RNF115: variants seen among roughly 807,000 people sequenced by gnomAD.
The protein encoded by RNF115 is ring finger protein 115.
In RNF115, 31 loss-of-function variants were observed where a neutral mutation model predicts 39.2. The ratio of observed to expected loss-of-function variants is 0.79; its 90% CI spans 0.59 to 1.07. RNF115 has a LOEUF of 1.07. Ranked by LOEUF, RNF115 falls within the 50% of genes least tolerant of loss-of-function variation. The pLI, the probability that RNF115 is intolerant of heterozygous loss-of-function variation, is 0.00. For synonymous variants in RNF115, 124 were observed against 131.0 expected, an observed-to-expected ratio of 0.95 and a Z score of 0.37; for missense variants, 384 against 381.7, an observed-to-expected ratio of 1.01 and a Z score of -0.05.
chr1:145,819,526 C>T (rs1233857995), intron 1 of RNF115, among the ~76,000 whole-genome samples: 2 of 152,094 alleles, frequency 1.3e-5, no homozygotes, highest in African/African-American at 4.8e-5. Context: ...CCAAACCCCA[C>T]CAGACACGAA....
At chr1:145,760,911 AAT>A (rs1464329787) in intron 4 of RNF115, among the ~76,000 whole-genome samples, 2 of 152,204 alleles carry the variant, frequency 1.3e-5, no homozygotes, top group Admixed American at 1.3e-4. Context: ...CCAAAATGCT[AAT>A]AGTGATATGG....
intron 1 of RNF115, among the ~76,000 whole-genome samples, chr1:145,812,807 G>C (rs1649796383): frequency 1.3e-5 from 2 of 151,064 alleles, no homozygotes; most frequent in African/African-American, 4.9e-5. Context: ...TTTTTTAAGA[G>C]ATGGGGTTTC....
intron 4 of RNF115, among the ~76,000 whole-genome samples, chr1:145,759,442 C>G (rs1553713595): frequency 6.6e-6 from 1 of 152,134 alleles, no homozygotes. Flanking sequence ...TTCTTGTTTT[C>G]AGGCCAAAAA....
chr1:145,822,399 AG>A (rs1457726600), intron 1 of RNF115, among the ~76,000 whole-genome samples: 1 of 150,222 alleles, frequency 6.7e-6, no homozygotes, highest in African/African-American at 2.4e-5. Flanking sequence ...GCAAGTAGAG[AG>A]GAAAGAATGT....
Position 145,771,840 on chromosome 1 carries a change from T to C in RNF115, c.299A>G (p.Asn100Ser). The change falls in exon 4 of 9, where the codon AAT becomes AGT. Residue 100 changes from asparagine (N) to serine (S), a missense_variant. Asn to Ser is a conservative substitution (Grantham distance 46). Coordinates refer to ENST00000582693, the MANE Select transcript of RNF115 (RefSeq NM_014455.4). ...FLSSSPLDQD[N>S]RANERGHQTH... ...CTGGTGACCCCTTTCATTGGCTCTA[T>C]TATCTTGGTCCAGTGGACTGCTACT... The C allele has an allele frequency of 6.2e-7, 1 of 1,614,114 alleles. No homozygotes were observed. Among genetic ancestry groups the C allele is most frequent in the Non-Finnish European group, 8.5e-7 (1 of 1,179,974 alleles).
At position 145,742,373 on chromosome 1, in the gene RNF115, A is replaced by G. The variant is rs1175832853; in HGVS notation, c.*4493T>C. On this transcript the variant is annotated 3_prime_UTR_variant, in exon 9 of 9. Coordinates refer to ENST00000582693, the MANE Select transcript of RNF115 (RefSeq NM_014455.4). ...TAACCGTATTGTAGTTCAACTGATTATAATATAGAAGCAACGGATAATGAA... is the reference window on the plus strand; with the variant it reads ...TAACCGTATTGTAGTTCAACTGATTGTAATATAGAAGCAACGGATAATGAA... The G allele has an allele frequency of 1.3e-5, 2 of 152,174 alleles. No homozygotes were observed. Among genetic ancestry groups the G allele is most frequent in the Admixed American group, 6.5e-5 (1 of 15,282 alleles). 9.4% of individuals were successfully genotyped at this position (152,174 alleles called of 1,614,324 possible). A position where few individuals can be genotyped will look rare whatever the true frequency, so the allele number is the denominator to read the frequency against.
At position 145,793,834 on chromosome 1, in the gene RNF115, C is replaced by A. The variant is rs1028552083; in HGVS notation, c.103-4868G>T. On this transcript the variant is annotated intron_variant, in intron 1 of 8. Transcript: ENST00000582693. ...CTGGTTCTGAGCACTAAATATCTTA[C>A]CCTCTTTCTTTTTTTTTTTTTTTTT... Among the ~76,000 whole-genome samples, 8 of 151,648 alleles carry A rather than the reference C, an allele frequency of 5.3e-5. 1 individual carries two copies.
rs1431872569 is a variant in RNF115 at position 145,741,317 on chromosome 1, T to C, written c.*5549A>G. 6.6e-6 allele frequency: 1 copy of C among 152,126 alleles called. No individual in the cohort carries two copies. The highest frequency in any genetic ancestry group is 2.4e-5 in the African/African-American group (1 of 41,414). The allele number at this position is 152,126 out of a possible 1,614,324, so 9.4% of individuals were successfully genotyped here. ...GTAGTGTGGCAGGAAAACATAAAGT[T>C]TGCATGTATAAAACCTTAAAAGTTG... On this transcript the variant is annotated 3_prime_UTR_variant, in exon 9 of 9. Transcript: ENST00000582693.
At chr1:145,782,900 C>CACCCA (rs1553717639) in intron 3 of RNF115, among the ~76,000 whole-genome samples, 1 of 152,196 alleles carries the variant, frequency 6.6e-6, no homozygotes, top group African/African-American at 2.4e-5. Context: ...CTCGCTCTGT[C>CACCCA]ACCCAGGCTG....
intron 4 of RNF115, among the ~76,000 whole-genome samples, chr1:145,770,612 T>A (rs1233749599): frequency 2.6e-5 from 4 of 151,954 alleles, no homozygotes; most frequent in African/African-American, 9.7e-5. Flanking sequence ...TAGATTCATA[T>A]AGCCCTAGAT....
At chr1:145,762,840 C>T (rs951874806) in intron 4 of RNF115, among the ~76,000 whole-genome samples, 7 of 152,066 alleles carry the variant, frequency 4.6e-5, no homozygotes, top group Middle Eastern at 3.2e-3. Context: ...TAAAAAAGAA[C>T]GAAATCATGT....
At chr1:145,754,376 T>C (rs782395666) in intron 4 of RNF115, among the ~76,000 whole-genome samples, 25 of 151,970 alleles carry the variant, frequency 1.6e-4, no homozygotes, top group Non-Finnish European at 3.5e-4. Context: ...TTTTTTGAGA[T>C]GAAGTCTTGC....
chr1:145,799,272 T>C (rs1649120225), intron 1 of RNF115, among the ~76,000 whole-genome samples: 1 of 152,134 alleles, frequency 6.6e-6, no homozygotes, highest in African/African-American at 2.4e-5. Flanking sequence ...TTCACCATGT[T>C]GGCCAGGATG....
intron 4 of RNF115, among the ~76,000 whole-genome samples, chr1:145,753,453 AATAAG>A (rs1571708996): frequency 1.3e-5 from 2 of 152,258 alleles, no homozygotes; most frequent in East Asian, 1.9e-4. Flanking sequence ...TGGGTTTCTG[AATAAG>A]ATATCATTTA....
At chr1:145,752,031 T>A (rs1658106854) in intron 5 of RNF115, among the ~76,000 whole-genome samples, 1 of 152,126 alleles carries the variant, frequency 6.6e-6, no homozygotes, top group Admixed American at 6.5e-5. Context: ...CGTTTTTTTT[T>A]ATTTTCCCTC....
chr1:145,810,898 C>G (rs1313274098), intron 1 of RNF115, among the ~76,000 whole-genome samples: 1 of 149,866 alleles, frequency 6.7e-6, no homozygotes, highest in East Asian at 2.0e-4. Context: ...CAGGGTCTCA[C>G]TCTGTCACCC....
chr1:145,795,451 C>T (rs1471084926), intron 1 of RNF115, among the ~76,000 whole-genome samples: 1 of 152,040 alleles, frequency 6.6e-6, no homozygotes, highest in African/African-American at 2.4e-5. Context: ...TTACAGAGCG[C>T]TGATTGGTCC....
chr1:145,812,594 A>T (rs1483144600), intron 1 of RNF115, among the ~76,000 whole-genome samples: 2 of 151,652 alleles, frequency 1.3e-5, no homozygotes, highest in East Asian at 3.9e-4. Context: ...TGGGAGGCGG[A>T]GGTTGCAGTG....
chr1:145,814,461 T>C (rs1325799385), intron 1 of RNF115, among the ~76,000 whole-genome samples: 4 of 150,656 alleles, frequency 2.7e-5, no homozygotes, highest in Non-Finnish European at 5.9e-5. Context: ...CAGGCACCTG[T>C]AATCCCAGCT....
Sources: allele counts gnomAD v4.1 joint callset (sites outside exome capture counted in the v4.1 genomes callset), GRCh38; gene constraint gnomAD v4.1.1; transcripts MANE v1.5; gene names NCBI Gene and HGNC (gene_info 2026-07-23, HGNC 2026-07-21).